The following IL17RC variants were observed in gnomAD, a reference collection of about 807,000 sequenced individuals.
IL17RC encodes the protein interleukin-17 receptor C.
Under a neutral mutation model 86.7 loss-of-function variants are expected in IL17RC, and 53 were observed. That is an observed-to-expected ratio of 0.61 (90% CI 0.49 to 0.77). IL17RC has a LOEUF of 0.77. IL17RC is among the 30% of genes least tolerant of loss of function. IL17RC has a pLI of 0.00. For synonymous variants in IL17RC, 439 were observed against 413.1 expected, an observed-to-expected ratio of 1.06 and a Z score of -0.76; for missense variants, 957 against 940.0, an observed-to-expected ratio of 1.02 and a Z score of -0.24.
chr3:9,930,545 ATT>A lies in IL17RC; in HGVS notation c.1338+89_1338+90del. 1.5e-6 allele frequency: 2 copies of A among 1,331,448 alleles called. No homozygotes were observed. Among genetic ancestry groups the A allele is most frequent in the Non-Finnish European group, 2.1e-6 (2 of 942,752 alleles). 82.5% of individuals were successfully genotyped at this position (1,331,448 alleles called of 1,614,324 possible). A position where few individuals can be genotyped will look rare whatever the true frequency, so the allele number is the denominator to read the frequency against. ...ACTCACCTACTGTCTATTTAGGCTT[ATT>A]TTATGTTCAGCCCTGGGAAAGTTAA... On this transcript the variant is annotated intron_variant, in intron 15 of 18. Transcript: ENST00000403601. This position sits in a 1 kb window ranked among gnomAD's most constrained non-coding sequence, Gnocchi z 5.8.
At position 9,917,754 on chromosome 3, in the gene IL17RC, A is replaced by G; in HGVS notation, c.127+20A>G. 2 of 1,613,594 alleles carry G rather than the reference A, an allele frequency of 1.2e-6. No homozygotes were observed. The highest frequency in any genetic ancestry group is 1.7e-6 in the Non-Finnish European group (2 of 1,179,934). On this transcript the variant is annotated intron_variant, in intron 2 of 18. Transcript: ENST00000403601. Reference sequence around the variant, plus strand: ...TCTGGGGTAAGTATCCCTACTTTTAAAAAGAATTTCCCAGGTTGGCCGAAG... The same window carrying G: ...TCTGGGGTAAGTATCCCTACTTTTAGAAAGAATTTCCCAGGTTGGCCGAAG...
At position 9,930,535 on chromosome 3, in the gene IL17RC, A is replaced by G; in HGVS notation, c.1338+76A>G. ...TAAAACTAGCACTCACCTACTGTCTATTTAGGCTTATTTTATGTTCAGCCC... is the reference window on the plus strand; with the variant it reads ...TAAAACTAGCACTCACCTACTGTCTGTTTAGGCTTATTTTATGTTCAGCCC... On this transcript the variant is annotated intron_variant, in intron 15 of 18. Coordinates refer to ENST00000403601, the MANE Select transcript of IL17RC (RefSeq NM_153460.4). The surrounding 1 kb of genome is among the most constrained non-coding windows in gnomAD (Gnocchi z 5.8). 2.9e-6 allele frequency: 4 copies of G among 1,379,480 alleles called. No individual in the cohort carries two copies. Among genetic ancestry groups the G allele is most frequent in the Non-Finnish European group, 4.1e-6 (4 of 982,622 alleles). 85.5% of individuals were successfully genotyped at this position (1,379,480 alleles called of 1,614,324 possible).
chr3:9,928,308 C>T lies in IL17RC; in HGVS notation c.881C>T (p.Pro294Leu), dbSNP rs1380883510. The change falls in exon 11 of 19, where the codon CCC becomes CTC. Residue 294 changes from proline (P) to leucine (L), a missense_variant. Pro to Leu is a moderately conservative substitution (Grantham distance 98). Coordinates refer to ENST00000403601, the MANE Select transcript of IL17RC (RefSeq NM_153460.4). Reference protein sequence around the residue: ...RTNICPFREDPRAHQNLWQAA... With the variant: ...RTNICPFREDLRAHQNLWQAA... ...TGACTGTGCCCTTTCCTTGCAGACC[C>T]CCGCGCACACCAGAACCTCTGGCAA... is the stretch of plus-strand genomic sequence containing the variant. The T allele has an allele frequency of 2.5e-6, 4 of 1,607,382 alleles. No homozygotes were observed. Among genetic ancestry groups the T allele is most frequent in the Non-Finnish European group, 3.4e-6 (4 of 1,175,380 alleles).
At position 9,923,996 on chromosome 3, in the gene IL17RC, A is replaced by C. The variant is rs1258328885; in HGVS notation, c.738A>C (p.Pro246=). The C allele has an allele frequency of 1.2e-6, 2 of 1,613,942 alleles. No individual in the cohort carries two copies. Among genetic ancestry groups the C allele is most frequent in the South Asian group, 2.2e-5 (2 of 91,076 alleles). Residue 246 remains proline, a synonymous_variant, in exon 8 of 19, where the codon CCA becomes CCC. Transcript: ENST00000403601. ...ACTGGAATCAGGTCCAGGGCCCCCC[A>C]AAACCCCGGTGGCACAAAAACCTGG... ...SLYWNQVQGP[P]KPRWHKNLTG... is the part of the protein sequence containing the mutation.
At position 9,920,564 on chromosome 3, in the gene IL17RC, G is replaced by C; in HGVS notation, c.539G>C (p.Arg180Thr). The change falls in exon 6 of 19, where the codon AGG (arginine) becomes ACG (threonine). Residue 180 changes from arginine to threonine, a missense_variant. Arg to Thr is a moderately conservative substitution (Grantham distance 71, BLOSUM62 -1). Transcript: ENST00000403601. ...EVRIWSYTQP[R>T]YEKELNHTQQ... ...CGAATCTGGTCCTATACTCAGCCCAGGTACGAGAAGGAACTCAACCACACA... is the reference window on the plus strand; with the variant it reads ...CGAATCTGGTCCTATACTCAGCCCACGTACGAGAAGGAACTCAACCACACA... 1 of 1,608,168 alleles carries C rather than the reference G, an allele frequency of 6.2e-7. No individual in the cohort carries two copies. The highest frequency in any genetic ancestry group is 8.5e-7 in the Non-Finnish European group (1 of 1,176,734).
intron 7 of IL17RC, among the ~76,000 whole-genome samples, chr3:9,921,910 C>T (rs148066408): frequency 0.018 from 2,707 of 150,196 alleles, 83 homozygotes; most frequent in African/African-American, 0.063. Context: ...CAGGCGTGAG[C>T]CACCACGCCC....
intron 7 of IL17RC, among the ~76,000 whole-genome samples, chr3:9,921,732 C>T (rs2083574993): frequency 6.7e-6 from 1 of 149,848 alleles, no homozygotes; most frequent in Admixed American, 6.7e-5. Flanking sequence ...TCACGCCATT[C>T]TCCTGCCTCA....
chr3:9,924,572 C>T (rs1188101201), intron 9 of IL17RC, among the ~76,000 whole-genome samples: 1 of 152,176 alleles, frequency 6.6e-6, no homozygotes, highest in Non-Finnish European at 1.5e-5. Context: ...TCCTCCAGTT[C>T]TGTCTTTGTG....
rs753024971 is a variant in IL17RC, at chr3:9,918,030, G to A, written c.235G>A (p.Asp79Asn). 6.2e-6 allele frequency: 10 copies of A among 1,608,738 alleles called. No homozygotes were observed. Among genetic ancestry groups the A allele is most frequent in the East Asian group, 2.2e-5 (1 of 44,506 alleles). ...ELVLRCQKET[D>N]CDLCLRVAVH... The stretch of plus-strand genomic sequence containing the variant: ...GGTGCTGAGGTGCCAGAAGGAGACC[G>A]ACTGTGACCTCTGTCTGCGTGTGGC... The change falls in exon 3 of 19, where the codon GAC becomes AAC. Residue 79 changes from aspartate (D) to asparagine (N), a missense_variant. Physicochemically the swap from Asp to Asn is conservative, Grantham distance 23 (BLOSUM62 1). Transcript: ENST00000403601.
chr3:9,917,507 T>G (rs780574489), intron 1 of IL17RC, 87 bp downstream of exon 1: 11 of 1,614,182 alleles, frequency 6.8e-6, no homozygotes, highest in Non-Finnish European at 9.3e-6. Flanking sequence ...CTGTCACTGC[T>G]GCCACTGCCA....
rs562763252 is a variant in IL17RC at position 9,930,242 on chromosome 3, T to C, written c.1278+93T>C. On this transcript the variant is annotated intron_variant, in intron 14 of 18. Transcript: ENST00000403601. This position sits in a 1 kb window ranked among gnomAD's most constrained non-coding sequence, Gnocchi z 5.8. ...ACTCCATCCACCCTGTGCCGGTCTC[T>C]GGGAACATGGGGGGTGACTCAGACC... The C allele has an allele frequency of 1.3e-4, 205 of 1,565,604 alleles. 2 individuals are homozygous for C. The South Asian group carries it at 2.2e-3, about 17-fold the overall frequency.
At chr3:9,921,128 T>C (rs2083509108) in intron 7 of IL17RC, among the ~76,000 whole-genome samples, 159 bp downstream of exon 7, 1 of 152,186 alleles carries the variant, frequency 6.6e-6, no homozygotes. Context: ...AACACATTAA[T>C]TGCAGTATCT....
intron 9 of IL17RC, among the ~76,000 whole-genome samples, chr3:9,925,155 G>A (rs374062956): frequency 4.3e-5 from 6 of 139,912 alleles, no homozygotes; most frequent in East Asian, 2.1e-4. Context: ...TTTCTCTGTC[G>A]CCCAGGCTGG....
At position 9,928,305 on chromosome 3, in the gene IL17RC, A is replaced by G; in HGVS notation, c.878A>G (p.Asp293Gly). 1 of 1,604,730 alleles carries G rather than the reference A, an allele frequency of 6.2e-7. No homozygotes were observed. The highest frequency in any genetic ancestry group is 8.5e-7 in the Non-Finnish European group (1 of 1,173,414). Residue 293 changes from aspartate to glycine, a missense_variant and splice_region_variant, in exon 11 of 19, where the codon GAC becomes GGC. Asp to Gly is a moderately conservative substitution (Grantham distance 94). Transcript: ENST00000403601. ...CGGTGACTGTGCCCTTTCCTTGCAG[A>G]CCCCCGCGCACACCAGAACCTCTGG... ...VRTNICPFREDPRAHQNLWQA... is the reference protein window; with the variant it reads ...VRTNICPFREGPRAHQNLWQA...
chr3:9,929,187 A>G (rs776465535), intron 12 of IL17RC: 7 of 155,206 alleles, frequency 4.5e-5, no homozygotes, highest in Admixed American at 1.3e-4. Context: ...GGTGGTGGGC[A>G]CCTGTAGTCC....
chr3:9,931,471 A>ACACATATATATATATAATAAGTG (rs1491160591), intron 16 of IL17RC, among the ~76,000 whole-genome samples: 83 of 5,246 alleles, frequency 0.016, 2 homozygotes, highest in African/African-American at 0.018. Flanking sequence ...ACACACACAC[A>ACACATATATATATATAATAAGTG]TATATATATA....
At position 9,917,728 on chromosome 3, in the gene IL17RC, C is replaced by T; in HGVS notation, c.121C>T (p.Leu41Phe). 1.2e-6 allele frequency: 2 copies of T among 1,613,782 alleles called. No homozygotes were observed. Among genetic ancestry groups the T allele is most frequent in the Non-Finnish European group, 8.5e-7 (1 of 1,180,036 alleles). ...THCSPGLSCR[L>F]WDSDILCLPG... ...TCCTTCCCAGGGCCTCTCCTGCCGC[C>T]TCTGGGGTAAGTATCCCTACTTTTA... Residue 41 changes from leucine to phenylalanine, a missense_variant, in exon 2 of 19, where the codon CTC becomes TTC. Physicochemically the swap from Leu to Phe is conservative, Grantham distance 22 (BLOSUM62 0). Coordinates refer to ENST00000403601, the MANE Select transcript of IL17RC (RefSeq NM_153460.4).
Position 9,928,226 on chromosome 3 carries a change from C to T in IL17RC, c.877+6C>T, listed in dbSNP as rs772510978. ...CATCTGCCCCTTCAGGGAGGGTGAG[C>T]CGACCGGCCTGGGGCTGGGGTTGGG... On this transcript the variant is annotated splice_donor_region_variant and intron_variant, in intron 10 of 18. Coordinates refer to ENST00000403601, the MANE Select transcript of IL17RC (RefSeq NM_153460.4). 6 of 1,602,332 alleles carry T rather than the reference C, an allele frequency of 3.7e-6. No homozygotes were observed. The highest frequency in any genetic ancestry group is 3.4e-6 in the Non-Finnish European group (4 of 1,178,430).
At position 9,930,411 on chromosome 3, in the gene IL17RC, C is replaced by T. The variant is rs779855947; in HGVS notation, c.1290C>T (p.Arg430=). Residue 430 remains arginine (R), a synonymous_variant, in exon 15 of 19, where the codon CGC becomes CGT. Coordinates refer to ENST00000403601, the MANE Select transcript of IL17RC (RefSeq NM_153460.4). This position sits in a 1 kb window ranked among gnomAD's most constrained non-coding sequence, Gnocchi z 5.8. ...LPSKASTRAA[R]LGEYLLQDLQ... is the part of the protein sequence containing the mutation. ...CTTTGGCTTGGCAGAGGGCAGCTCGCCTTGGAGAGTACTTACTACAAGACC... is the reference window on the plus strand; with the variant it reads ...CTTTGGCTTGGCAGAGGGCAGCTCGTCTTGGAGAGTACTTACTACAAGACC... 3.9e-5 allele frequency: 63 copies of T among 1,613,910 alleles called. No homozygotes were observed. Among genetic ancestry groups the T allele is most frequent in the Non-Finnish European group, 5.1e-5 (60 of 1,180,044 alleles).
Sources: gnomAD v4.1 joint callset for allele counts (sites outside exome capture counted in the v4.1 genomes callset) on GRCh38, gnomAD v4.1.1 for gene constraint, Gnocchi (gnomAD v3.1) non-coding constraint, MANE v1.5 for transcripts, NCBI Gene and HGNC (gene_info 2026-07-23, HGNC 2026-07-21) for gene names.